WDR7: variants seen among roughly 807,000 people sequenced by gnomAD.
The protein encoded by WDR7 is WD repeat-containing protein 7.
In WDR7, 46 loss-of-function variants were observed where a neutral mutation model predicts 169.4. The observed-to-expected ratio is 0.27, with a 90% CI of 0.21 to 0.35. The LOEUF (loss-of-function observed/expected upper bound fraction) is 0.35. Ranked by LOEUF, WDR7 falls within the 10% of genes least tolerant of loss-of-function variation. The pLI is 1.00. For missense variants in WDR7, 1,534 were observed against 1,859.3 expected (o/e 0.83, Z 3.22); for synonymous variants, 612 against 666.8 (o/e 0.92, Z 1.27).
At chr18:56,958,275 T>G (rs1278572940) in intron 25 of WDR7, among the ~76,000 whole-genome samples, 1 of 152,168 alleles carries the variant, frequency 6.6e-6, no homozygotes, top group Admixed American at 6.6e-5. Flanking sequence ...AAGTCACAAA[T>G]ACATCTCGGA....
At chr18:56,766,066 A>G (rs977269108) in intron 16 of WDR7, among the ~76,000 whole-genome samples, 1 of 146,090 alleles carries the variant, frequency 6.8e-6, no homozygotes, top group African/African-American at 2.5e-5. Context: ...GACTTTTTAT[A>G]TCTTTTAATG....
chr18:56,816,913 T>A (rs1458668051), intron 20 of WDR7, among the ~76,000 whole-genome samples: 1 of 152,176 alleles, frequency 6.6e-6, no homozygotes, highest in African/African-American at 2.4e-5. Context: ...GCAACAAATA[T>A]TAATTTAATA....
At chr18:56,660,207 G>A (rs2024874590) in intron 1 of WDR7, among the ~76,000 whole-genome samples, 2 of 152,104 alleles carry the variant, frequency 1.3e-5, no homozygotes, top group African/African-American at 4.8e-5. Flanking sequence ...GGAATGATCA[G>A]GGGCTCACTT....
At chr18:56,904,868 T>C (rs1051890606) in intron 21 of WDR7, among the ~76,000 whole-genome samples, 4 of 152,160 alleles carry the variant, frequency 2.6e-5, no homozygotes, top group South Asian at 2.1e-4. Context: ...CAAATTGTTA[T>C]ATAAAACAGT....
At position 56,793,590 on chromosome 18, in the gene WDR7, AT is replaced by A. The variant is rs761855410; in HGVS notation, c.3190+11939del. 4.6e-5 allele frequency among the ~76,000 whole-genome samples: 7 copies of A among 152,298 alleles called. No homozygotes were observed. The East Asian group carries it at 1.2e-3, about 25-fold the overall frequency. On this transcript the variant is annotated intron_variant, in intron 19 of 27. Transcript: ENST00000254442. The stretch of plus-strand genomic sequence containing the variant: ...TGCAAGAGATTTTGTTTCAGATTAA[AT>A]TTTTGGTTGAGGAATTCTTATGTAA...
chr18:56,953,160 G>A (rs571569587), intron 25 of WDR7, among the ~76,000 whole-genome samples: 38 of 151,994 alleles, frequency 2.5e-4, no homozygotes, highest in Non-Finnish European at 4.4e-4. Flanking sequence ...AGTAATATAG[G>A]AACTCTCTCC....
At chr18:56,803,924 T>C (rs1286561151) in intron 19 of WDR7, among the ~76,000 whole-genome samples, 1 of 152,214 alleles carries the variant, frequency 6.6e-6, no homozygotes. Flanking sequence ...ACCTTTTCAG[T>C]AGCTGGGATT....
intron 21 of WDR7, among the ~76,000 whole-genome samples, chr18:56,884,349 G>A (rs2145496351): frequency 6.6e-6 from 1 of 152,118 alleles, no homozygotes; most frequent in East Asian, 1.9e-4. Flanking sequence ...TCTTTTGATG[G>A]GATTGTTTGT....
At chr18:56,747,794 C>T (rs1385250376) in intron 14 of WDR7, among the ~76,000 whole-genome samples, 3 of 151,984 alleles carry the variant, frequency 2.0e-5, no homozygotes, top group Non-Finnish European at 2.9e-5. Context: ...CAAGTTGGAT[C>T]GTGATGAGGG....
chr18:56,899,669 C>A (rs2145558761), intron 21 of WDR7, among the ~76,000 whole-genome samples: 1 of 152,116 alleles, frequency 6.6e-6, no homozygotes, highest in South Asian at 2.1e-4. Context: ...CCCAGTACAA[C>A]ATACTTTTCA....
chr18:57,034,843 A>G, the WDR7 span: 2 of 151,922 alleles, frequency 1.3e-5, no homozygotes, highest in African/African-American at 2.4e-5. Context: ...ACTCCTTAAC[A>G]TCTAAGGAGA....
the WDR7 span, chr18:57,036,131 GT>G: frequency 6.6e-6 from 1 of 152,318 alleles, no homozygotes; most frequent in African/African-American, 2.4e-5. Flanking sequence ...GACAGCAGGG[GT>G]TGTAGTTTGT....
intron 12 of WDR7, among the ~76,000 whole-genome samples, chr18:56,707,263 A>G (rs2025979417): frequency 1.3e-5 from 2 of 152,162 alleles, no homozygotes; most frequent in African/African-American, 2.4e-5. Flanking sequence ...GATTACAGGC[A>G]TGAGCTACCA....
chr18:56,754,899 A>G (rs1299898667), intron 14 of WDR7, among the ~76,000 whole-genome samples: 2 of 152,160 alleles, frequency 1.3e-5, no homozygotes, highest in African/African-American at 2.4e-5. Context: ...AAACTATTCA[A>G]ATTCACAGCT....
At chr18:56,948,040 T>G (rs1041600173) in intron 25 of WDR7, among the ~76,000 whole-genome samples, 11 of 144,390 alleles carry the variant, frequency 7.6e-5, no homozygotes, top group East Asian at 3.9e-4. Context: ...AGGATTAGGG[T>G]TTTTTTTTAA....
intron 12 of WDR7, among the ~76,000 whole-genome samples, chr18:56,716,216 C>T (rs2026189321): frequency 1.3e-5 from 2 of 152,142 alleles, no homozygotes; most frequent in African/African-American, 4.8e-5. Context: ...CATTAAGAAT[C>T]ACATTTCATG....
At chr18:56,786,865 A>C (rs1429548648) in intron 19 of WDR7, among the ~76,000 whole-genome samples, 3 of 151,616 alleles carry the variant, frequency 2.0e-5, no homozygotes, top group African/African-American at 7.3e-5. Flanking sequence ...ACTTTTTAAA[A>C]ATTTTATTGG....
At chr18:56,890,303 T>C (rs2046247580) in intron 21 of WDR7, among the ~76,000 whole-genome samples, 1 of 152,192 alleles carries the variant, frequency 6.6e-6, no homozygotes, top group Admixed American at 6.5e-5. Context: ...GTTTTTATTT[T>C]GTTGTAGTGT....
At chr18:56,767,850 T>C (rs1470506190) in intron 16 of WDR7, among the ~76,000 whole-genome samples, 26 of 152,192 alleles carry the variant, frequency 1.7e-4, no homozygotes, top group Admixed American at 1.7e-3. Context: ...ACTTTTTAAC[T>C]CTAGATCCCG....
Sources: allele counts gnomAD v4.1 joint callset (sites outside exome capture counted in the v4.1 genomes callset), GRCh38; gene constraint gnomAD v4.1.1; transcripts MANE v1.5; gene names NCBI Gene and HGNC (gene_info 2026-07-23, HGNC 2026-07-21).